SLC39A8: variants seen among roughly 807,000 people sequenced by gnomAD.
SLC39A8 encodes metal cation symporter ZIP8.
Under a neutral mutation model 40.4 loss-of-function variants are expected in SLC39A8, and 15 were observed. The ratio of observed to expected loss-of-function variants is 0.37; its 90% confidence interval spans 0.25 to 0.57. The LOEUF (loss-of-function observed/expected upper bound fraction) is 0.57. SLC39A8 is among the 20% of genes least tolerant of loss of function. The pLI is 0.75. For missense variants in SLC39A8, 472 were observed against 558.8 expected (o/e 0.84, Z 1.57); for synonymous variants, 223 against 221.6 (o/e 1.01, Z -0.06).
chr4:102,273,782 A>G (rs532217127), intron 6 of SLC39A8, among the ~76,000 whole-genome samples: 1 of 152,346 alleles, frequency 6.6e-6, no homozygotes, highest in Non-Finnish European at 1.5e-5. Context: ...TCTACAGCCA[A>G]TGCTGGTGAT....
intron 6 of SLC39A8, among the ~76,000 whole-genome samples, chr4:102,300,774 T>C (rs1014485395): frequency 1.3e-5 from 2 of 151,984 alleles, no homozygotes; most frequent in Middle Eastern, 3.4e-3. Flanking sequence ...CTAGGTTAGA[T>C]TATTTTTATA....
intron 2 of SLC39A8, among the ~76,000 whole-genome samples, chr4:102,329,399 G>C (rs911804877): frequency 2.0e-5 from 3 of 152,076 alleles, no homozygotes; most frequent in Non-Finnish European, 4.4e-5. Context: ...ACGGCAGGCG[G>C]ATCACCTGAT....
chr4:102,317,340 T>C (rs531642177), intron 2 of SLC39A8, among the ~76,000 whole-genome samples: 2 of 152,232 alleles, frequency 1.3e-5, no homozygotes, highest in African/African-American at 4.8e-5. Flanking sequence ...AAAATGCACA[T>C]TTAGATTTTT....
intron 4 of SLC39A8, 104 bp downstream of exon 4, chr4:102,307,332 A>T: frequency 1.5e-6 from 2 of 1,332,692 alleles, no homozygotes; most frequent in South Asian, 1.3e-5. Flanking sequence ...ACTATAAACT[A>T]GACCATAAAA....
rs151392 is a variant in SLC39A8, at chr4:102,262,778, T to C, written c.*266A>G. The stretch of plus-strand genomic sequence containing the variant: ...ATGTCTCTTGCTTCATGGTGATATC[T>C]AATATGCATGGAATACTGAAAAATA... On this transcript the variant is annotated 3_prime_UTR_variant, in exon 9 of 9. Coordinates refer to ENST00000356736, the MANE Select transcript of SLC39A8 (RefSeq NM_001135146.2). The C allele has an allele frequency of 0.77, 889,216 of 1,152,272 alleles. 344,950 individuals carry two copies. Among genetic ancestry groups the C allele is most frequent in the Middle Eastern group, 0.79 (2,167 of 2,736 alleles). 71.4% of individuals were successfully genotyped at this position (1,152,272 alleles called of 1,614,324 possible). A position where few individuals can be genotyped will look rare whatever the true frequency, so the allele number is the denominator to read the frequency against.
intron 6 of SLC39A8, among the ~76,000 whole-genome samples, chr4:102,283,907 A>T (rs919954861): frequency 1.3e-5 from 2 of 152,008 alleles, no homozygotes; most frequent in Non-Finnish European, 2.9e-5. Flanking sequence ...TACCATAGAG[A>T]TTTCTCACTG....
At chr4:102,323,721 G>A (rs994376083) in intron 2 of SLC39A8, among the ~76,000 whole-genome samples, 2 of 152,190 alleles carry the variant, frequency 1.3e-5, no homozygotes, top group African/African-American at 2.4e-5. Flanking sequence ...ATTTCTAACG[G>A]TACAAGATTA....
intron 6 of SLC39A8, among the ~76,000 whole-genome samples, chr4:102,286,528 C>A (rs140598303): frequency 2.0e-5 from 3 of 149,534 alleles, no homozygotes; most frequent in Non-Finnish European, 4.5e-5. Flanking sequence ...ACAAACTGGG[C>A]TCTCCAGCAT....
At chr4:102,300,594 C>G (rs890525039) in intron 6 of SLC39A8, among the ~76,000 whole-genome samples, 1 of 151,908 alleles carries the variant, frequency 6.6e-6, no homozygotes, top group Non-Finnish European at 1.5e-5. Context: ...ATTAGACCAC[C>G]TTTCTTAACT....
chr4:102,303,737 C>G (rs1303124845), intron 6 of SLC39A8, among the ~76,000 whole-genome samples: 1 of 151,032 alleles, frequency 6.6e-6, no homozygotes, highest in Non-Finnish European at 1.5e-5. Context: ...CAATATAGTT[C>G]TAATACATAA....
chr4:102,313,097 AT>A (rs1284930778), intron 3 of SLC39A8, among the ~76,000 whole-genome samples: 2 of 152,276 alleles, frequency 1.3e-5, no homozygotes, highest in African/African-American at 2.4e-5. Flanking sequence ...TATTCACAAA[AT>A]TGCAAATTAT....
At chr4:102,286,259 T>C (rs1733175052) in intron 6 of SLC39A8, among the ~76,000 whole-genome samples, 1 of 152,158 alleles carries the variant, frequency 6.6e-6, no homozygotes, top group Non-Finnish European at 1.5e-5. Flanking sequence ...ACCTCATATA[T>C]TATTGGTTCA....
intron 2 of SLC39A8, among the ~76,000 whole-genome samples, chr4:102,326,839 G>A (rs1735224270): frequency 6.6e-6 from 1 of 151,994 alleles, no homozygotes; most frequent in Non-Finnish European, 1.5e-5. Flanking sequence ...TAACCTAATC[G>A]TATCCAATAC....
At chr4:102,265,581 C>A (rs1321964966) in intron 8 of SLC39A8, among the ~76,000 whole-genome samples, 1 of 152,146 alleles carries the variant, frequency 6.6e-6, no homozygotes, top group Non-Finnish European at 1.5e-5. Context: ...CAAAAACTTT[C>A]AATGTGCAAA....
rs78688996 is a variant in SLC39A8 at position 102,340,096 on chromosome 4, G to A, written c.219+4348C>T. Reference sequence around the variant, plus strand: ...TATGTCATGTCTCCTCCAATAGACTGTAAAGTCATGTGAGGACTCAAATTA... The same window carrying A: ...TATGTCATGTCTCCTCCAATAGACTATAAAGTCATGTGAGGACTCAAATTA... On this transcript the variant is annotated intron_variant, in intron 2 of 8. Transcript: ENST00000356736. Among the ~76,000 whole-genome samples the A allele has an allele frequency of 6.2e-3, 942 of 152,232 alleles. 10 individuals carry two copies. The highest frequency in any genetic ancestry group is 0.021 in the African/African-American group (891 of 41,534).
rs930493507 is a variant in SLC39A8, at chr4:102,262,719, CCT to C, written c.*323_*324del. 1.7e-5 allele frequency: 17 copies of C among 1,019,934 alleles called. No individual in the cohort carries two copies. In the African/African-American group the frequency reaches 1.9e-4, roughly 11 times the overall value. 63.2% of individuals were successfully genotyped at this position (1,019,934 alleles called of 1,614,324 possible). On this transcript the variant is annotated 3_prime_UTR_variant, in exon 9 of 9. Coordinates refer to ENST00000356736, the MANE Select transcript of SLC39A8 (RefSeq NM_001135146.2). ...TTTCAGGATATAACTTGTATTTTCCCCTGAGTCTGAGTGTCTACATGATTATA... is the reference window on the plus strand; with the variant it reads ...TTTCAGGATATAACTTGTATTTTCCCGAGTCTGAGTGTCTACATGATTATA...
chr4:102,344,691 G>T lies in SLC39A8; in HGVS notation c.-29C>A. ...GGCCTGGGCTTCCCCTTGAGGGCCC[G>T]CGACGGGCTGCCGCGCAGAGGGACG... On this transcript the variant is annotated 5_prime_UTR_variant, in exon 2 of 9. Coordinates refer to ENST00000356736, the MANE Select transcript of SLC39A8 (RefSeq NM_001135146.2). 1 of 1,417,686 alleles carries T rather than the reference G, an allele frequency of 7.1e-7. No individual in the cohort carries two copies. Among genetic ancestry groups the T allele is most frequent in the Non-Finnish European group, 9.1e-7 (1 of 1,093,906 alleles). 87.8% of individuals were successfully genotyped at this position (1,417,686 alleles called of 1,614,324 possible).
intron 2 of SLC39A8, among the ~76,000 whole-genome samples, chr4:102,333,652 G>A (rs540177222): frequency 1.3e-5 from 2 of 152,270 alleles, no homozygotes; most frequent in South Asian, 4.1e-4. Context: ...GACCTGTTGA[G>A]TTGGGGAAAA....
downstream of SLC39A8, among the ~76,000 whole-genome samples, chr4:102,256,896 G>A (rs527870283): frequency 4.6e-5 from 7 of 152,294 alleles, no homozygotes; most frequent in South Asian, 4.1e-4. Flanking sequence ...GAAACCACAG[G>A]TGATGCTACA....
Sources: allele counts gnomAD v4.1 joint callset (sites outside exome capture counted in the v4.1 genomes callset), GRCh38; gene constraint gnomAD v4.1.1; transcripts MANE v1.5; gene names NCBI Gene and HGNC (gene_info 2026-07-23, HGNC 2026-07-21).